The following STARD8 variants were observed in gnomAD, a reference collection of about 807,000 sequenced individuals.
STARD8 encodes stAR-related lipid transfer protein 8.
A neutral mutation model predicts 69.4 loss-of-function variants in STARD8; 25 were observed. That is an observed-to-expected ratio of 0.36 (90% confidence interval 0.26 to 0.50). The LOEUF (loss-of-function observed/expected upper bound fraction) is 0.50. Among genes scored for constraint, STARD8 ranks in the 20% least tolerant of loss-of-function variants. The probability of loss-of-function intolerance (pLI) is 0.96; values close to 1 mark genes in which losing one functional copy is unlikely to be tolerated. For synonymous variants in STARD8, 389 were observed against 374.6 expected (o/e 1.04, Z -0.45); for missense variants, 921 against 932.5 (o/e 0.99, Z 0.16).
At chrX:68,673,018 G>C (rs187243810) in intron 2 of STARD8, among the ~76,000 whole-genome samples, 1 of 111,478 alleles carries the variant, frequency 9.0e-6, no homozygotes, top group Non-Finnish European at 1.9e-5. Flanking sequence ...TTTGGAAAAA[G>C]AAAAAGGCCA....
At chrX:68,650,961 C>G (rs1168334844) in intron 1 of STARD8, among the ~76,000 whole-genome samples, 1 of 112,711 alleles carries the variant, frequency 8.9e-6, no homozygotes, top group East Asian at 2.8e-4. Context: ...TGTGCATATT[C>G]AACCCCACAC....
chrX:68,665,433 A>G, intron 1 of STARD8, 66 bp from the exon 2 acceptor site: 1 of 1,135,385 alleles, frequency 8.8e-7, no homozygotes, highest in Non-Finnish European at 1.2e-6. Context: ...GCTAACTTTA[A>G]GATCGCTTTC....
chrX:68,694,489 G>T (rs762880336), intron 2 of STARD8, among the ~76,000 whole-genome samples: 4 of 111,613 alleles, frequency 3.6e-5, no homozygotes, highest in Non-Finnish European at 7.5e-5. Context: ...AGGTAGTGTG[G>T]GGTTCTCTCC....
At position 68,665,142 on chromosome X, in the gene STARD8, C is replaced by A. The variant is rs183039679; in HGVS notation, c.46-357C>A. On this transcript the variant is annotated intron_variant, in intron 1 of 14. Transcript: ENST00000374599. Reference sequence around the variant, plus strand: ...TATACCAAGGATGGTATGTGCCAAGCAAATGTTGACTTATTCTTTAATAAT... The same window carrying A: ...TATACCAAGGATGGTATGTGCCAAGAAAATGTTGACTTATTCTTTAATAAT... Among the ~76,000 whole-genome samples the A allele has an allele frequency of 3.0e-3, 342 of 112,220 alleles. 3 individuals carry two copies. Among genetic ancestry groups the A allele is most frequent in the African/African-American group, 0.011 (330 of 30,891 alleles).
rs1391505354 is a variant in STARD8 at position 68,718,442 on chromosome X, G to A, written c.1528G>A (p.Ala510Thr). Residue 510 changes from alanine to threonine, a missense_variant, in exon 6 of 15, where the codon GCC becomes ACC. Transcript: ENST00000374599. ...EAHSGGEPTFASSLSVEEGHS... is the reference protein window; with the variant it reads ...EAHSGGEPTFTSSLSVEEGHS... ...ACATTCAGGCGGGGAACCCACCTTT[G>A]CCTCTAGCCTGTCTGTGGAAGAAGG... 4.1e-6 allele frequency: 5 copies of A among 1,210,298 alleles called. No individual in the cohort carries two copies. In the African/African-American group the frequency reaches 8.7e-5, roughly 21 times the overall value.
intron 2 of STARD8, among the ~76,000 whole-genome samples, chrX:68,704,264 C>T (rs772422263): frequency 1.8e-5 from 2 of 111,714 alleles, no homozygotes; most frequent in Admixed American, 9.5e-5. Flanking sequence ...GGAGGCTTCG[C>T]GGGAGTGGGT....
At chrX:68,671,912 A>G (rs940816120) in intron 2 of STARD8, among the ~76,000 whole-genome samples, 1 of 111,954 alleles carries the variant, frequency 8.9e-6, no homozygotes, top group South Asian at 3.8e-4. Flanking sequence ...GCTTCATTCA[A>G]CTAAACCTAT....
At chrX:68,683,352 A>G (rs952600518) in intron 2 of STARD8, among the ~76,000 whole-genome samples, 10 of 112,460 alleles carry the variant, frequency 8.9e-5, no homozygotes, top group African/African-American at 3.2e-4. Context: ...TGAAAATGGT[A>G]GCAATAATAA....
chrX:68,668,236 C>CTCTT (rs778005383), intron 2 of STARD8, among the ~76,000 whole-genome samples: 9,660 of 73,006 alleles, frequency 0.13, 749 homozygotes, highest in African/African-American at 0.14. Flanking sequence ...CTTTTTTCTC[C>CTCTT]TCTTTCTTTC....
intron 10 of STARD8, 116 bp from the exon 11 acceptor site, chrX:68,721,931 T>A: frequency 1.2e-6 from 1 of 811,786 alleles, no homozygotes; most frequent in Non-Finnish European, 1.7e-6. Context: ...GGCAGCAGGT[T>A]GTTTTGTGGC....
chrX:68,677,372 A>C (rs2079772025), intron 2 of STARD8, among the ~76,000 whole-genome samples: 1 of 111,382 alleles, frequency 9.0e-6, no homozygotes, highest in Non-Finnish European at 1.9e-5. Context: ...AGCACCTTGG[A>C]AACTGTAAGG....
At chrX:68,668,296 CTTTCTTCTTTT>C in intron 2 of STARD8, among the ~76,000 whole-genome samples, 1 of 86,218 alleles carries the variant, frequency 1.2e-5, no homozygotes, top group Non-Finnish European at 2.2e-5. Context: ...TTCTTTCTTT[CTTTCTTCTTTT>C]TTTCTTTCCT....
chrX:68,709,895 C>T (rs1026106522), intron 2 of STARD8, among the ~76,000 whole-genome samples: 8 of 111,580 alleles, frequency 7.2e-5, no homozygotes, highest in African/African-American at 2.6e-4. Flanking sequence ...GCCATGGCTC[C>T]TATTTTACCA....
intron 2 of STARD8, among the ~76,000 whole-genome samples, chrX:68,672,515 C>T (rs2079734547): frequency 8.9e-6 from 1 of 111,958 alleles, no homozygotes; most frequent in South Asian, 3.7e-4. Context: ...TCCTGACTGA[C>T]AGTGACCAAT....
chrX:68,667,803 G>A (rs2079693008), intron 2 of STARD8, among the ~76,000 whole-genome samples: 1 of 110,706 alleles, frequency 9.0e-6, no homozygotes, highest in Non-Finnish European at 1.9e-5. Flanking sequence ...CATTCTTTTG[G>A]GACCCAGTCT....
At chrX:68,652,990 C>T (rs1602534473) in intron 1 of STARD8, among the ~76,000 whole-genome samples, 1 of 42,914 alleles carries the variant, frequency 2.3e-5, no homozygotes, top group African/African-American at 9.3e-5. Context: ...CACACACACA[C>T]CACACACCAC....
At chrX:68,713,585 T>C (rs915648625) in intron 3 of STARD8, among the ~76,000 whole-genome samples, 6 of 111,377 alleles carry the variant, frequency 5.4e-5, no homozygotes, top group African/African-American at 2.0e-4. Flanking sequence ...TCGGTGCCAC[T>C]GGCCACTCCT....
rs1324659504 is a variant in STARD8, at chrX:68,717,902, T to C, written c.988T>C (p.Trp330Arg). ...CPEDGHRLAD[W>R]QPGRRWGCEG... The stretch of plus-strand genomic sequence containing the variant: ...TGAGGATGGACACCGCCTGGCAGAC[T>C]GGCAGCCAGGTAGGCGGTGGGGCTG... The change falls in exon 6 of 15, where the codon TGG becomes CGG. Residue 330 changes from tryptophan (W) to arginine (R), a missense_variant. Physicochemically the swap from Trp to Arg is moderately radical, Grantham distance 101. Transcript: ENST00000374599. 8.3e-7 allele frequency: 1 copy of C among 1,207,213 alleles called. No homozygotes were observed. The highest frequency in any genetic ancestry group is 1.7e-5 in the African/African-American group (1 of 57,288).
chrX:68,664,062 C>T (rs964841201), intron 1 of STARD8, among the ~76,000 whole-genome samples: 5 of 111,514 alleles, frequency 4.5e-5, no homozygotes, highest in African/African-American at 1.6e-4. Context: ...GTGTCTGCAC[C>T]TGGTATGGCA....
Sources: gnomAD v4.1 joint callset for allele counts (sites outside exome capture counted in the v4.1 genomes callset) on GRCh38, gnomAD v4.1.1 for gene constraint, MANE v1.5 for transcripts, NCBI Gene and HGNC (gene_info 2026-07-23, HGNC 2026-07-21) for gene names.